Variants in STK33 observed in about 807,000 individuals in gnomAD.
STK33 encodes the protein serine/threonine-protein kinase 33.
A neutral mutation model predicts 58.0 loss-of-function variants in STK33; 52 were observed. That is an observed-to-expected ratio of 0.90 (90% CI 0.72 to 1.13). STK33 has a LOEUF of 1.13. Among genes scored for constraint, STK33 ranks in the 50% most tolerant of loss-of-function variants. The probability of loss-of-function intolerance (pLI) is 0.00; values close to 1 mark genes in which losing one functional copy is unlikely to be tolerated. For synonymous variants in STK33, 215 were observed against 200.1 expected (o/e 1.07, Z -0.63); for missense variants, 630 against 604.2 (o/e 1.04, Z -0.45).
intron 1 of STK33, among the ~76,000 whole-genome samples, chr11:8,551,601 T>C (rs533141358): frequency 6.6e-6 from 1 of 152,336 alleles, no homozygotes; most frequent in South Asian, 2.1e-4. Flanking sequence ...TCCTAGTTTT[T>C]ACAGGTGTTC....
chr11:8,451,257 C>T (rs1946240288), intron 11 of STK33, among the ~76,000 whole-genome samples: 1 of 152,148 alleles, frequency 6.6e-6, no homozygotes, highest in South Asian at 2.1e-4. Context: ...AATGAAACCA[C>T]ATACCCTCAC....
At chr11:8,385,702 G>A in the STK33 span, among the ~76,000 whole-genome samples, 2 of 151,922 alleles carry the variant, frequency 1.3e-5, no homozygotes, top group South Asian at 2.1e-4. Flanking sequence ...TATATCCAGC[G>A]CCTATCAGTG....
chr11:8,400,672 G>A (rs1937702122), intron 15 of STK33, among the ~76,000 whole-genome samples: 1 of 152,172 alleles, frequency 6.6e-6, no homozygotes, highest in South Asian at 2.1e-4. Context: ...AAAAGAGGAA[G>A]TCAAATTGTC....
intron 7 of STK33, among the ~76,000 whole-genome samples, chr11:8,463,720 T>C (rs566659123): frequency 6.6e-6 from 1 of 152,308 alleles, no homozygotes; most frequent in African/African-American, 2.4e-5. Flanking sequence ...TATCTTACTA[T>C]CTTTTGGTCT....
At chr11:8,405,010 C>T (rs1938846348) in intron 15 of STK33, among the ~76,000 whole-genome samples, 1 of 152,098 alleles carries the variant, frequency 6.6e-6, no homozygotes, top group East Asian at 1.9e-4. Flanking sequence ...TGTGGTGGCA[C>T]ACCTGTAGTC....
At chr11:8,403,546 G>C (rs1278166048) in intron 15 of STK33, among the ~76,000 whole-genome samples, 1 of 152,178 alleles carries the variant, frequency 6.6e-6, no homozygotes, top group African/African-American at 2.4e-5. Context: ...GTTACATCAA[G>C]GGCTGCCTCA....
intron 15 of STK33, among the ~76,000 whole-genome samples, chr11:8,401,841 C>G (rs563309635): frequency 6.6e-6 from 1 of 151,834 alleles, no homozygotes; most frequent in Non-Finnish European, 1.5e-5. Flanking sequence ...AAGACATTTA[C>G]GCAGCCAAAA....
chr11:8,350,840 G>A, the STK33 span, among the ~76,000 whole-genome samples: 1 of 152,188 alleles, frequency 6.6e-6, no homozygotes, highest in South Asian at 2.1e-4. Context: ...TGTCCACCCT[G>A]TAGCCACGGA....
chr11:8,340,008 C>T, the STK33 span, among the ~76,000 whole-genome samples: 1 of 152,266 alleles, frequency 6.6e-6, no homozygotes, highest in Non-Finnish European at 1.5e-5. Context: ...AGGCGCACCG[C>T]GCGACCAGCA....
chr11:8,588,522 T>C (rs2141538127), intron 1 of STK33, among the ~76,000 whole-genome samples: 1 of 152,264 alleles, frequency 6.6e-6, no homozygotes, highest in East Asian at 1.9e-4. Context: ...TAAACAAAAC[T>C]TAACTCAAAA....
At chr11:8,391,593 GT>G (rs1848629283), downstream of STK33, among the ~76,000 whole-genome samples, 1 of 152,320 alleles carries the variant, frequency 6.6e-6, no homozygotes, top group Admixed American at 6.5e-5. Flanking sequence ...CTTTATGAAG[GT>G]AAAAGCAATT....
At chr11:8,592,000 A>T (rs1432609723) in intron 1 of STK33, among the ~76,000 whole-genome samples, 1 of 151,502 alleles carries the variant, frequency 6.6e-6, no homozygotes, top group East Asian at 1.9e-4. Context: ...AATAAAATTA[A>T]AAAAAAAATT....
intron 12 of STK33, 70 bp from the exon 13 acceptor site, chr11:8,436,209 C>T: frequency 1.1e-6 from 1 of 881,528 alleles, no homozygotes; most frequent in Non-Finnish European, 1.6e-6. Flanking sequence ...AATTAAGTTT[C>T]CATAGGACTT....
At chr11:8,497,891 C>G (rs1951184391) in intron 1 of STK33, among the ~76,000 whole-genome samples, 1 of 152,122 alleles carries the variant, frequency 6.6e-6, no homozygotes, top group Admixed American at 6.6e-5. Context: ...CAAAACCAGT[C>G]AAAGACATCT....
At chr11:8,375,297 T>C in the STK33 span, among the ~76,000 whole-genome samples, 1 of 152,350 alleles carries the variant, frequency 6.6e-6, no homozygotes, top group South Asian at 2.1e-4. Context: ...TTCTAACAAC[T>C]AGCATTTAAG....
At chr11:8,444,507 C>A (rs1945164746) in intron 11 of STK33, among the ~76,000 whole-genome samples, 1 of 151,928 alleles carries the variant, frequency 6.6e-6, no homozygotes, top group Non-Finnish European at 1.5e-5. Context: ...TAAGTAGGTC[C>A]TCAAAAAATT....
At chr11:8,370,416 T>C in the STK33 span, among the ~76,000 whole-genome samples, 2 of 152,118 alleles carry the variant, frequency 1.3e-5, no homozygotes, top group Admixed American at 6.5e-5. Context: ...CAGGCTGGTC[T>C]CAAACTCTTG....
At chr11:8,486,720 A>G (rs567911058) in intron 1 of STK33, among the ~76,000 whole-genome samples, 1 of 152,202 alleles carries the variant, frequency 6.6e-6, no homozygotes, top group Non-Finnish European at 1.5e-5. Context: ...CAGTATAGAG[A>G]ATGTATAGAA....
intron 1 of STK33, among the ~76,000 whole-genome samples, chr11:8,570,127 A>G (rs1176725236): frequency 1.3e-5 from 2 of 152,186 alleles, no homozygotes; most frequent in Non-Finnish European, 2.9e-5. Context: ...GATACTTTAT[A>G]AAGGATATAT....
Sources: allele counts gnomAD v4.1 joint callset (sites outside exome capture counted in the v4.1 genomes callset), GRCh38; gene constraint gnomAD v4.1.1; transcripts MANE v1.5; gene names NCBI Gene and HGNC (gene_info 2026-07-23, HGNC 2026-07-21).